STX7: variants seen among roughly 807,000 people sequenced by gnomAD.
The protein encoded by STX7 is syntaxin-7.
STX7 carries 34 observed loss-of-function variants against 39.6 expected under a neutral mutation model. The ratio of observed to expected loss-of-function variants is 0.86; its 90% CI spans 0.65 to 1.14. STX7 has a LOEUF of 1.14. Ranked by LOEUF, STX7 falls within the 50% of genes most tolerant of loss-of-function variation. The probability of loss-of-function intolerance (pLI) is 0.00; values close to 1 mark genes in which losing one functional copy is unlikely to be tolerated. For synonymous variants in STX7, 119 were observed against 99.1 expected (o/e 1.20, Z -1.19); for missense variants, 284 against 310.4 (o/e 0.92, Z 0.64).
intron 2 of STX7, among the ~76,000 whole-genome samples, chr6:132,477,236 T>C (rs781138344): frequency 6.6e-5 from 10 of 152,162 alleles, no homozygotes; most frequent in Non-Finnish European, 7.4e-5. Context: ...GTTTAACTTA[T>C]GGCTGCTTAT....
intron 2 of STX7, among the ~76,000 whole-genome samples, chr6:132,484,390 A>G (rs1317887429): frequency 6.6e-6 from 1 of 152,156 alleles, no homozygotes; most frequent in African/African-American, 2.4e-5. Flanking sequence ...AGTAAAGAAT[A>G]GTTTGTCATA....
chr6:132,458,327 A>T lies in STX7; in HGVS notation c.*2431T>A, dbSNP rs181558690. 2 of 152,288 alleles carry T rather than the reference A, an allele frequency of 1.3e-5. No homozygotes were observed. Among genetic ancestry groups the T allele is most frequent in the Non-Finnish European group, 2.9e-5 (2 of 68,018 alleles). 9.4% of individuals were successfully genotyped at this position (152,288 alleles called of 1,614,324 possible). On this transcript the variant is annotated 3_prime_UTR_variant, in exon 10 of 10. Coordinates refer to ENST00000367941, the MANE Select transcript of STX7 (RefSeq NM_003569.3). ...TTGTAAAAGAGATGGTCCCACACCT[A>T]CTAAAAAAACAAGCTACTCTAGTAT... is the stretch of plus-strand genomic sequence containing the variant.
chr6:132,492,556 T>C (rs967115634), intron 2 of STX7, among the ~76,000 whole-genome samples: 2 of 152,094 alleles, frequency 1.3e-5, no homozygotes, highest in Admixed American at 1.3e-4. Flanking sequence ...GGAATGAACA[T>C]AAATGCACAA....
intron 2 of STX7, among the ~76,000 whole-genome samples, chr6:132,500,634 G>C (rs1157382436): frequency 6.6e-6 from 1 of 152,172 alleles, no homozygotes; most frequent in Non-Finnish European, 1.5e-5. Context: ...AATGAGAGCA[G>C]GACCTTATAG....
chr6:132,471,226 A>G (rs1297739745), intron 5 of STX7, among the ~76,000 whole-genome samples: 1 of 152,204 alleles, frequency 6.6e-6, no homozygotes, highest in African/African-American at 2.4e-5. Flanking sequence ...ATATGTCTCT[A>G]TATTTTTATA....
At chr6:132,482,537 T>A (rs1467797216) in intron 2 of STX7, among the ~76,000 whole-genome samples, 2 of 152,220 alleles carry the variant, frequency 1.3e-5, no homozygotes, top group African/African-American at 4.8e-5. Context: ...AATGTAGATT[T>A]CTTGGTTTTC....
At chr6:132,492,026 C>T (rs1002372809) in intron 2 of STX7, among the ~76,000 whole-genome samples, 2 of 152,178 alleles carry the variant, frequency 1.3e-5, no homozygotes, top group Admixed American at 1.3e-4. Context: ...TCTGCACCAG[C>T]ACTGCACTCC....
In STX7 at chr6:132,459,532, A is replaced by G. The variant is rs967336657; in HGVS notation, c.*1226T>C. 6.6e-6 allele frequency: 1 copy of G among 152,262 alleles called. No homozygotes were observed. The highest frequency in any genetic ancestry group is 2.1e-4 in the South Asian group (1 of 4,822). The allele number at this position is 152,262 out of a possible 1,614,324, so 9.4% of individuals were successfully genotyped here. On this transcript the variant is annotated 3_prime_UTR_variant, in exon 10 of 10. Coordinates refer to ENST00000367941, the MANE Select transcript of STX7 (RefSeq NM_003569.3). ...ACCAGATACCTTTTAACTCATCTTT[A>G]TTTTGGTTGCAAAGATGTGGTTTAC...
chr6:132,509,458 ATAACATAAC>A (rs1562343450), intron 1 of STX7, among the ~76,000 whole-genome samples: 15,991 of 128,784 alleles, frequency 0.12, 2,432 homozygotes, highest in African/African-American at 0.19. Context: ...TCAAAATAAC[ATAACATAAC>A]ATAACATAAC....
intron 2 of STX7, among the ~76,000 whole-genome samples, chr6:132,479,338 T>C (rs752752088): frequency 2.6e-5 from 4 of 152,182 alleles, no homozygotes; most frequent in African/African-American, 4.8e-5. Context: ...CAATGGTACA[T>C]CAAGCCTGTG....
chr6:132,503,358 A>C, intron 2 of STX7, 88 bp downstream of exon 2: 1 of 1,119,166 alleles, frequency 8.9e-7, no homozygotes, highest in East Asian at 2.4e-5. Flanking sequence ...TCCCTCTCTC[A>C]ATCAGCAGAG....
chr6:132,485,990 A>C (rs912463131), intron 2 of STX7, among the ~76,000 whole-genome samples: 15 of 152,180 alleles, frequency 9.9e-5, no homozygotes, highest in African/African-American at 3.6e-4. Flanking sequence ...CAGCTTTTTA[A>C]ATTTCAAATT....
intron 2 of STX7, among the ~76,000 whole-genome samples, chr6:132,484,733 A>T (rs962913539): frequency 6.6e-6 from 1 of 152,198 alleles, no homozygotes; most frequent in African/African-American, 2.4e-5. Flanking sequence ...CACACTGAGG[A>T]AGAAGTACAA....
intron 2 of STX7, among the ~76,000 whole-genome samples, chr6:132,483,444 T>C (rs1054452566): frequency 1.3e-5 from 2 of 152,210 alleles, no homozygotes; most frequent in Admixed American, 1.3e-4. Flanking sequence ...TAGTAAAATA[T>C]TTAACAATGT....
At chr6:132,460,929 A>G (rs1774379293) in intron 9 of STX7, 79 bp from the exon 10 acceptor site, 1 of 1,254,702 alleles carries the variant, frequency 8.0e-7, no homozygotes, top group East Asian at 2.4e-5. Flanking sequence ...AACTAAAAAT[A>G]ATTTGGTTCA....
chr6:132,465,069 C>T (rs548610928), intron 8 of STX7, among the ~76,000 whole-genome samples: 2 of 152,260 alleles, frequency 1.3e-5, no homozygotes, highest in South Asian at 4.1e-4. Flanking sequence ...CTCACTGATG[C>T]TCTCTCCAAC....
At position 132,460,497 on chromosome 6, in the gene STX7, G is replaced by A; in HGVS notation, c.*261C>T. ...AATAAATTATAAATGAAAGGCATAT[G>A]CAATGTGGGCAAAAACTTAACAACT... On this transcript the variant is annotated 3_prime_UTR_variant, in exon 10 of 10. Transcript: ENST00000367941. The A allele has an allele frequency of 3.4e-6, 1 of 292,140 alleles. No homozygotes were observed. The allele number at this position is 292,140 out of a possible 1,614,324, so 18.1% of individuals were successfully genotyped here. A position where few individuals can be genotyped will look rare whatever the true frequency, so the allele number is the denominator to read the frequency against.
intron 1 of STX7, among the ~76,000 whole-genome samples, chr6:132,511,757 C>A (rs1044021288): frequency 2.0e-5 from 3 of 152,154 alleles, no homozygotes; most frequent in Non-Finnish European, 2.9e-5. Flanking sequence ...CATACTTTCA[C>A]ACATGAAACT....
intron 2 of STX7, among the ~76,000 whole-genome samples, chr6:132,498,688 T>C (rs1775477780): frequency 1.3e-5 from 2 of 152,338 alleles, no homozygotes; most frequent in Admixed American, 1.3e-4. Flanking sequence ...AGTATCATTT[T>C]ATTCAATCGC....
Sources: allele counts gnomAD v4.1 joint callset (sites outside exome capture counted in the v4.1 genomes callset), GRCh38; gene constraint gnomAD v4.1.1; transcripts MANE v1.5; gene names NCBI Gene and HGNC (gene_info 2026-07-23, HGNC 2026-07-21).